GNAQ: variants seen among roughly 807,000 people sequenced by gnomAD.
The protein encoded by GNAQ is G protein subunit alpha q.
GNAQ carries 8 observed loss-of-function variants against 43.9 expected under a neutral mutation model. The ratio of observed to expected loss-of-function variants is 0.18; its 90% CI spans 0.11 to 0.33. The LOEUF is 0.33. GNAQ is among the 10% of genes least tolerant of loss of function. The pLI, the probability that GNAQ is intolerant of heterozygous loss-of-function variation, is 1.00. For synonymous variants in GNAQ, 155 were observed against 170.7 expected, an observed-to-expected ratio of 0.91 and a Z score of 0.71; for missense variants, 158 against 450.8, an observed-to-expected ratio of 0.35 and a Z score of 5.88.
chr9:77,976,572 A>T (rs1296019635), intron 1 of GNAQ, among the ~76,000 whole-genome samples: 1 of 152,038 alleles, frequency 6.6e-6, no homozygotes, highest in Non-Finnish European at 1.5e-5. Flanking sequence ...TTGCATTTTT[A>T]GCAGAGATGG....
At chr9:77,778,709 T>C (rs1412223020) in intron 5 of GNAQ, among the ~76,000 whole-genome samples, 1 of 151,728 alleles carries the variant, frequency 6.6e-6, no homozygotes, top group East Asian at 1.9e-4. Flanking sequence ...CATAAAGATA[T>C]AAATAGAATA....
intron 5 of GNAQ, among the ~76,000 whole-genome samples, chr9:77,777,813 A>G (rs1426141179): frequency 2.0e-5 from 3 of 152,024 alleles, no homozygotes; most frequent in Non-Finnish European, 4.4e-5. Context: ...AAGAAAAACA[A>G]TAACAAGTGT....
At chr9:77,838,137 ATTTTTTTTTTT>A (rs574992587) in intron 2 of GNAQ, among the ~76,000 whole-genome samples, 1 of 87,174 alleles carries the variant, frequency 1.1e-5, no homozygotes, top group Admixed American at 1.3e-4. Flanking sequence ...GGCATTAATG[ATTTTTTTTTTT>A]TTTTTTTTTT....
chr9:77,845,173 G>A (rs568176854), intron 2 of GNAQ, among the ~76,000 whole-genome samples: 1 of 152,032 alleles, frequency 6.6e-6, no homozygotes, highest in Admixed American at 6.5e-5. Context: ...ATTTTTGCAG[G>A]GGTCCTTGGC....
chr9:78,030,742 C>CT, intron 1 of GNAQ: 1 of 370,796 alleles, frequency 2.7e-6, no homozygotes, highest in Non-Finnish European at 5.4e-6. Context: ...CTCTGCCCAC[C>CT]TTTCCACCCC....
At chr9:77,885,198 GGAACCTC>G (rs1828282732) in intron 2 of GNAQ, among the ~76,000 whole-genome samples, 1 of 152,056 alleles carries the variant, frequency 6.6e-6, no homozygotes, top group Non-Finnish European at 1.5e-5. Flanking sequence ...GGTCTTTTTT[GGAACCTC>G]CCAGTGCCTC....
At chr9:77,722,706 C>T (rs1325673896) in intron 6 of GNAQ, among the ~76,000 whole-genome samples, 2 of 140,410 alleles carry the variant, frequency 1.4e-5, no homozygotes, top group African/African-American at 2.7e-5. Context: ...ACCCAGGCTA[C>T]AGTGTAGTGG....
chr9:78,007,434 A>G (rs965135114), intron 1 of GNAQ, among the ~76,000 whole-genome samples: 3 of 151,830 alleles, frequency 2.0e-5, no homozygotes, highest in South Asian at 2.1e-4. Flanking sequence ...ACTAGAAAAC[A>G]AGGAAGAAAA....
intron 2 of GNAQ, among the ~76,000 whole-genome samples, chr9:77,853,933 G>A (rs1179597895): frequency 6.6e-6 from 1 of 152,162 alleles, no homozygotes; most frequent in African/African-American, 2.4e-5. Context: ...AGAGGACAGA[G>A]GTTCCTGAAA....
chr9:77,748,601 C>G (rs906177027), intron 5 of GNAQ, among the ~76,000 whole-genome samples: 1 of 152,178 alleles, frequency 6.6e-6, no homozygotes, highest in Non-Finnish European at 1.5e-5. Context: ...TAAGTGGTAT[C>G]TGTAATTCTA....
chr9:77,934,950 C>A (rs1188018690), intron 1 of GNAQ, among the ~76,000 whole-genome samples: 1 of 152,074 alleles, frequency 6.6e-6, no homozygotes, highest in Non-Finnish European at 1.5e-5. Flanking sequence ...CATGGTGGAA[C>A]CCCGTCAATA....
At chr9:78,023,591 TAGA>T (rs910529428) in intron 1 of GNAQ, among the ~76,000 whole-genome samples, 3 of 151,140 alleles carry the variant, frequency 2.0e-5, no homozygotes, top group Admixed American at 6.6e-5. Flanking sequence ...TACATGGTGG[TAGA>T]AGATCTCACC....
intron 2 of GNAQ, among the ~76,000 whole-genome samples, chr9:77,837,340 T>TC (rs1827406410): frequency 1.3e-5 from 2 of 151,866 alleles, no homozygotes. Context: ...TCGCCTGAGG[T>TC]CAGGAGTTCA....
intron 2 of GNAQ, among the ~76,000 whole-genome samples, chr9:77,902,936 A>G (rs1828636559): frequency 6.6e-6 from 1 of 152,114 alleles, no homozygotes; most frequent in Non-Finnish European, 1.5e-5. Flanking sequence ...ACAATTTTGC[A>G]ATTTGGGCCA....
intron 1 of GNAQ, among the ~76,000 whole-genome samples, chr9:77,991,041 A>G (rs1307288992): frequency 6.6e-6 from 1 of 152,268 alleles, no homozygotes; most frequent in Non-Finnish European, 1.5e-5. Context: ...TATATACTCC[A>G]ACTAGAGAAA....
intron 2 of GNAQ, among the ~76,000 whole-genome samples, chr9:77,857,186 A>G (rs538705701): frequency 6.6e-6 from 1 of 152,358 alleles, no homozygotes; most frequent in African/African-American, 2.4e-5. Flanking sequence ...GGAATTGACC[A>G]GATTCTCTTC....
chr9:77,981,733 T>G (rs922314644), intron 1 of GNAQ, among the ~76,000 whole-genome samples: 1 of 152,196 alleles, frequency 6.6e-6, no homozygotes, highest in African/African-American at 2.4e-5. Flanking sequence ...GAAAAGCTAT[T>G]AGACATGTCT....
At chr9:78,006,361 G>C (rs1823706321) in intron 1 of GNAQ, among the ~76,000 whole-genome samples, 1 of 152,084 alleles carries the variant, frequency 6.6e-6, no homozygotes, top group South Asian at 2.1e-4. Flanking sequence ...CAATTCAGTA[G>C]GACTGTCTTC....
At chr9:77,972,420 T>C (rs201818048) in intron 1 of GNAQ, among the ~76,000 whole-genome samples, 7 of 151,476 alleles carry the variant, frequency 4.6e-5, no homozygotes, top group Non-Finnish European at 7.4e-5. Context: ...TGTTTTTTTT[T>C]CCTTTGTTCA....
Sources: allele counts gnomAD v4.1 joint callset (sites outside exome capture counted in the v4.1 genomes callset), GRCh38; gene constraint gnomAD v4.1.1; transcripts MANE v1.5; gene names NCBI Gene and HGNC (gene_info 2026-07-23, HGNC 2026-07-21).